Variants in SHISA9 observed in about 807,000 individuals in gnomAD.
The protein encoded by SHISA9 is protein shisa-9.
A neutral mutation model predicts 38.0 loss-of-function variants in SHISA9; 13 were observed. The observed-to-expected ratio is 0.34, with a 90% CI of 0.22 to 0.54. SHISA9 has a LOEUF of 0.54. Ranked by LOEUF, SHISA9 falls within the 20% of genes least tolerant of loss-of-function variation. The pLI is 0.91. For synonymous variants in SHISA9, 275 were observed against 242.0 expected, an observed-to-expected ratio of 1.14 and a Z score of -1.27; for missense variants, 538 against 575.8, an observed-to-expected ratio of 0.93 and a Z score of 0.67.
intron 1 of SHISA9, among the ~76,000 whole-genome samples, chr16:12,906,024 A>G (rs1168857645): frequency 6.6e-6 from 1 of 152,238 alleles, no homozygotes. Context: ...AGTCCCAGCT[A>G]TGGCAACTGA....
intron 2 of SHISA9, among the ~76,000 whole-genome samples, chr16:13,161,424 T>G (rs1196596862): frequency 6.6e-6 from 1 of 152,196 alleles, no homozygotes; most frequent in Non-Finnish European, 1.5e-5. Flanking sequence ...TGAACCTATC[T>G]TGCAACATCC....
At chr16:12,922,692 G>A (rs2141729815) in intron 2 of SHISA9, among the ~76,000 whole-genome samples, 1 of 152,126 alleles carries the variant, frequency 6.6e-6, no homozygotes, top group African/African-American at 2.4e-5. Context: ...GTTGATTTTT[G>A]TATTTTTAAT....
At chr16:13,278,375 T>G in the SHISA9 span, among the ~76,000 whole-genome samples, 1 of 152,042 alleles carries the variant, frequency 6.6e-6, no homozygotes, top group African/African-American at 2.4e-5. Flanking sequence ...GTCTGTAGTT[T>G]TCTCCTTTGG....
At chr16:13,258,363 A>G in the SHISA9 span, 1 of 152,240 alleles carries the variant, frequency 6.6e-6, no homozygotes, top group African/African-American at 2.4e-5. Flanking sequence ...AAAAAATAGT[A>G]ATGAAAATGG....
downstream of SHISA9, among the ~76,000 whole-genome samples, chr16:13,241,232 C>T (rs2051432833): frequency 6.6e-6 from 1 of 152,154 alleles, no homozygotes; most frequent in Non-Finnish European, 1.5e-5. Context: ...AATCCCTAGG[C>T]AGCCGGGCAC....
intron 2 of SHISA9, among the ~76,000 whole-genome samples, chr16:13,014,144 A>G (rs2072713326): frequency 6.6e-6 from 1 of 152,142 alleles, no homozygotes; most frequent in Non-Finnish European, 1.5e-5. Flanking sequence ...TCCCCATTTT[A>G]CAGATGAGGA....
chr16:12,978,920 T>C (rs976601863), intron 2 of SHISA9, among the ~76,000 whole-genome samples: 1 of 152,162 alleles, frequency 6.6e-6, no homozygotes, highest in African/African-American at 2.4e-5. Flanking sequence ...TCTTTAAAAT[T>C]TTCTGTATCT....
At chr16:13,494,728 A>G in the SHISA9 span, among the ~76,000 whole-genome samples, 1 of 152,248 alleles carries the variant, frequency 6.6e-6, no homozygotes, top group African/African-American at 2.4e-5. Context: ...ATAATGACGT[A>G]GAAATATGCT....
chr16:13,168,570 A>G (rs771418223), intron 2 of SHISA9, among the ~76,000 whole-genome samples: 1 of 152,210 alleles, frequency 6.6e-6, no homozygotes, highest in Non-Finnish European at 1.5e-5. Context: ...TCTCTCTACT[A>G]CACCATGAAA....
At chr16:13,356,068 G>A in the SHISA9 span, among the ~76,000 whole-genome samples, 2 of 152,210 alleles carry the variant, frequency 1.3e-5, no homozygotes, top group Non-Finnish European at 2.9e-5. Context: ...AGGAACACCT[G>A]GCCACTGCGG....
chr16:13,296,783 T>C, the SHISA9 span, among the ~76,000 whole-genome samples: 2 of 147,766 alleles, frequency 1.4e-5, no homozygotes, highest in Middle Eastern at 3.7e-3. Context: ...CCCAGCTACT[T>C]GGGAGGCTGA....
chr16:13,354,216 C>G, the SHISA9 span, among the ~76,000 whole-genome samples: 1 of 134,488 alleles, frequency 7.4e-6, no homozygotes, highest in African/African-American at 2.8e-5. Flanking sequence ...GGATAGATTT[C>G]CACGATGGAA....
At chr16:13,118,992 A>G (rs571534526) in intron 2 of SHISA9, among the ~76,000 whole-genome samples, 155 of 152,094 alleles carry the variant, frequency 1.0e-3, no homozygotes, top group African/African-American at 3.6e-3. Flanking sequence ...TCGGCCTCCC[A>G]AAGTGCTGGG....
chr16:12,997,492 C>T (rs2072472660), intron 2 of SHISA9, among the ~76,000 whole-genome samples: 1 of 151,314 alleles, frequency 6.6e-6, no homozygotes, highest in Non-Finnish European at 1.5e-5. Flanking sequence ...CTGCAACCTC[C>T]ATCTCCCGGG....
chr16:13,110,672 C>T (rs140276498), intron 2 of SHISA9, among the ~76,000 whole-genome samples: 1 of 152,278 alleles, frequency 6.6e-6, no homozygotes, highest in African/African-American at 2.4e-5. Flanking sequence ...GTCAGTGAGC[C>T]AATCAGCCAG....
intron 2 of SHISA9, among the ~76,000 whole-genome samples, chr16:13,121,944 C>G (rs184772826): frequency 6.6e-6 from 1 of 151,070 alleles, no homozygotes; most frequent in Non-Finnish European, 1.5e-5. Context: ...GTTTCCTCTT[C>G]GATAAAATGA....
chr16:13,374,146 T>G, the SHISA9 span, among the ~76,000 whole-genome samples: 3 of 151,970 alleles, frequency 2.0e-5, no homozygotes, highest in East Asian at 3.8e-4. Context: ...TTCTTTTTTT[T>G]GTTGTTTTTG....
At chr16:13,362,459 A>C in the SHISA9 span, among the ~76,000 whole-genome samples, 4 of 151,998 alleles carry the variant, frequency 2.6e-5, no homozygotes, top group African/African-American at 4.8e-5. Flanking sequence ...ACAAACAAAC[A>C]AAAAAACAAA....
At chr16:12,913,769 G>A (rs1413283770) in intron 1 of SHISA9, among the ~76,000 whole-genome samples, 1 of 152,112 alleles carries the variant, frequency 6.6e-6, no homozygotes, top group Non-Finnish European at 1.5e-5. Context: ...ACAATGTGTG[G>A]CCTTTTGTAT....
Sources: allele counts gnomAD v4.1 joint callset (sites outside exome capture counted in the v4.1 genomes callset), GRCh38; gene constraint gnomAD v4.1.1; transcripts MANE v1.5; gene names NCBI Gene and HGNC (gene_info 2026-07-23, HGNC 2026-07-21).